Variants in ANKDD1A observed in about 807,000 individuals in gnomAD.
ANKDD1A encodes the protein ankyrin repeat and death domain containing 1A.
Under a neutral mutation model 63.5 loss-of-function variants are expected in ANKDD1A, and 59 were observed. The observed-to-expected ratio is 0.93, with a 90% confidence interval of 0.75 to 1.15. The LOEUF (loss-of-function observed/expected upper bound fraction) is 1.15. Ranked by LOEUF, ANKDD1A falls within the 50% of genes most tolerant of loss-of-function variation. The pLI is 0.00. For synonymous variants in ANKDD1A, 266 were observed against 263.9 expected, an observed-to-expected ratio of 1.01 and a Z score of -0.08; for missense variants, 632 against 656.4, an observed-to-expected ratio of 0.96 and a Z score of 0.41.
intron 14 of ANKDD1A, among the ~76,000 whole-genome samples, chr15:64,953,807 TTTC>T (rs1436647143): frequency 1.6e-4 from 22 of 141,006 alleles, no homozygotes; most frequent in Middle Eastern, 3.7e-3. Context: ...TCTTCCTTTT[TTTC>T]TTCTTCCTTA....
intron 6 of ANKDD1A, among the ~76,000 whole-genome samples, chr15:64,928,292 C>T (rs1316449705): frequency 6.6e-6 from 1 of 152,230 alleles, no homozygotes; most frequent in East Asian, 1.9e-4. Context: ...CAGGTCCTAC[C>T]CTGTGCAAGG....
At chr15:64,933,793 G>A (rs965881498) in intron 8 of ANKDD1A, among the ~76,000 whole-genome samples, 1 of 11,718 alleles carries the variant, frequency 8.5e-5, no homozygotes, top group South Asian at 0.071. Flanking sequence ...AGTGAGCCGA[G>A]ATTGTGCCAT....
Position 64,934,181 on chromosome 15 carries a change from G to T in ANKDD1A, c.814G>T (p.Asp272Tyr). ...CTATGCAGCCCTCAGTGGCTCGGAG[G>T]ATGTGTCTCGGGTCCTCATCCACGC... is the stretch of plus-strand genomic sequence containing the variant. ...LHYAALSGSE[D>Y]VSRVLIHAGG... Residue 272 changes from aspartate (D) to tyrosine (Y), a missense_variant, in exon 9 of 15, where the codon GAT (aspartate) becomes TAT (tyrosine). Transcript: ENST00000319580. The T allele has an allele frequency of 6.2e-7, 1 of 1,612,500 alleles. No homozygotes were observed.
chr15:64,938,486 C>T lies in ANKDD1A; in HGVS notation c.868-3981C>T, dbSNP rs561436285. Among the ~76,000 whole-genome samples the T allele has an allele frequency of 2.9e-4, 44 of 152,260 alleles. No individual in the cohort carries two copies. The South Asian group carries it at 5.2e-3, about 18-fold the overall frequency. On this transcript the variant is annotated intron_variant, in intron 9 of 14. Transcript: ENST00000319580. ...TTCCGAGAACAACAGCAGACAAATCCTGGTTAGGAGACATTCTACGAAATA... is the reference window on the plus strand; with the variant it reads ...TTCCGAGAACAACAGCAGACAAATCTTGGTTAGGAGACATTCTACGAAATA...
rs2084965860 is a variant in ANKDD1A, at chr15:64,915,995, C to A, written c.138+95C>A. 1.1e-5 allele frequency: 13 copies of A among 1,215,112 alleles called. No homozygotes were observed. In the East Asian group the frequency reaches 3.1e-4, roughly 29 times the overall value. 75.3% of individuals were successfully genotyped at this position (1,215,112 alleles called of 1,614,324 possible). On this transcript the variant is annotated intron_variant, in intron 2 of 14. Transcript: ENST00000319580. ...ATAGTTTATCTGAGCTAGAGGCAGG[C>A]ACATTTGCATGTGTAAACTTGGAGG... is the stretch of plus-strand genomic sequence containing the variant.
chr15:64,941,032 C>T (rs2085180856), intron 9 of ANKDD1A, among the ~76,000 whole-genome samples: 1 of 152,198 alleles, frequency 6.6e-6, no homozygotes, highest in South Asian at 2.1e-4. Flanking sequence ...TGTGAGCTAC[C>T]ACACCTGGCC....
chr15:64,951,313 CTTCT>C (rs1201178405), intron 14 of ANKDD1A: 11 of 806,990 alleles, frequency 1.4e-5, no homozygotes, highest in Middle Eastern at 6.3e-4. Context: ...TTCTCTTCTT[CTTCT>C]TTCTTCTTTC....
At chr15:64,953,916 TTCTC>T (rs1438465883) in intron 14 of ANKDD1A, among the ~76,000 whole-genome samples, 3 of 87,846 alleles carry the variant, frequency 3.4e-5, no homozygotes, top group African/African-American at 9.2e-5. Flanking sequence ...CTCTTCTTTC[TTCTC>T]TTTTTCTTTT....
At chr15:64,931,749 G>C in intron 8 of ANKDD1A, 164 bp downstream of exon 8, 1 of 708,182 alleles carries the variant, frequency 1.4e-6, no homozygotes, top group South Asian at 1.7e-5. Context: ...CTGTGACCTG[G>C]AGCAAGTTAC....
chr15:64,946,554 C>CA (rs1346075382), intron 12 of ANKDD1A, among the ~76,000 whole-genome samples: 6 of 152,310 alleles, frequency 3.9e-5, no homozygotes, highest in Non-Finnish European at 8.8e-5. Context: ...AGGTCCTCAC[C>CA]ACTAAGGCAG....
At chr15:64,950,527 A>G (rs1301166697) in intron 14 of ANKDD1A, 1 of 985,318 alleles carries the variant, frequency 1.0e-6, no homozygotes, top group African/African-American at 1.7e-5. Context: ...AAATCAGCTC[A>G]TGATGAAAAA....
At chr15:64,954,766 C>A (rs1436656882) in intron 14 of ANKDD1A, among the ~76,000 whole-genome samples, 2 of 128,936 alleles carry the variant, frequency 1.6e-5, no homozygotes, top group Non-Finnish European at 3.1e-5. Flanking sequence ...TTTTGTTCTT[C>A]TTTCTTCTTC....
At chr15:64,954,155 T>G (rs2085375825) in intron 14 of ANKDD1A, among the ~76,000 whole-genome samples, 1 of 118,100 alleles carries the variant, frequency 8.5e-6, no homozygotes, top group African/African-American at 2.7e-5. Context: ...TGTTCCTTAT[T>G]ATTCTTTCTT....
chr15:64,940,882 G>A (rs577815829), intron 9 of ANKDD1A, among the ~76,000 whole-genome samples: 1 of 152,246 alleles, frequency 6.6e-6, no homozygotes, highest in Non-Finnish European at 1.5e-5. Context: ...GAAACTACAG[G>A]TGTGCACCAC....
chr15:64,953,149 TCTC>T (rs575249413), intron 14 of ANKDD1A, among the ~76,000 whole-genome samples: 1,118 of 25,342 alleles, frequency 0.044, 51 homozygotes, highest in South Asian at 0.43. Flanking sequence ...TCTTCCTTTT[TCTC>T]CTTTCTTCTT....
chr15:64,951,016 C>T, intron 14 of ANKDD1A: 2 of 1,271,034 alleles, frequency 1.6e-6, no homozygotes, highest in Non-Finnish European at 2.0e-6. Context: ...AGCCATGTAA[C>T]CGGAGGGGCC....
rs752701846 is a variant in ANKDD1A at position 64,917,518 on chromosome 15, C to T, written c.267+4C>T. The T allele has an allele frequency of 1.5e-5, 22 of 1,502,692 alleles. No individual in the cohort carries two copies. The highest frequency in any genetic ancestry group is 3.1e-5 in the African/African-American group (2 of 65,476). 93.1% of individuals were successfully genotyped at this position (1,502,692 alleles called of 1,614,324 possible). A position where few individuals can be genotyped will look rare whatever the true frequency, so the allele number is the denominator to read the frequency against. On this transcript the variant is annotated splice_donor_region_variant and intron_variant, in intron 3 of 14. Transcript: ENST00000319580. ...CCTCACAGAGGCACGTCTGTGTGTA[C>T]GTGTCTGTCTGTCTGTCTGTCTCAG...
chr15:64,953,889 CCTCTTTTCTTT>C (rs2085364819), intron 14 of ANKDD1A, among the ~76,000 whole-genome samples: 1 of 114,990 alleles, frequency 8.7e-6, no homozygotes, highest in South Asian at 3.0e-4. Context: ...CTTTCTTCTT[CCTCTTTTCTTT>C]CTTCCCTCTT....
chr15:64,954,568 GTTCTCCTTCTTCCTTATTCTTCCTTC>G (rs1566918889), intron 14 of ANKDD1A, among the ~76,000 whole-genome samples: 5 of 116,136 alleles, frequency 4.3e-5, no homozygotes, highest in African/African-American at 1.7e-4. Flanking sequence ...CCTTCTCCTT[GTTCTCCTTCTTCCTTATTCTTCCTTC>G]TTCTCCTTCT....
Sources: allele counts gnomAD v4.1 joint callset (sites outside exome capture counted in the v4.1 genomes callset), GRCh38; gene constraint gnomAD v4.1.1; transcripts MANE v1.5; gene names NCBI Gene and HGNC (gene_info 2026-07-23, HGNC 2026-07-21).